The following RPS29 variants were observed in gnomAD, a reference collection of about 807,000 sequenced individuals.
RPS29 encodes small ribosomal subunit protein uS14.
For missense variants in RPS29, 60 were observed against 75.7 expected (o/e 0.79, Z 0.77); for synonymous variants, 37 against 26.9 (o/e 1.37, Z -1.16).
chr14:49,573,168 T>C (rs890899875), exon 3 of RPS29: 7 of 148,342 alleles, frequency 4.7e-5, no homozygotes, highest in African/African-American at 1.5e-4. Flanking sequence ...CAAAAGAAAA[T>C]ACAAAAAATA....
intron 1 of RPS29, among the ~76,000 whole-genome samples, chr14:49,595,018 T>G (rs149496384): frequency 2.0e-5 from 3 of 152,344 alleles, no homozygotes; most frequent in African/African-American, 7.2e-5. Context: ...GGACGTACTT[T>G]TGGCTTGCCA....
chr14:49,594,918 T>C (rs1259968858), intron 1 of RPS29, among the ~76,000 whole-genome samples: 1 of 152,216 alleles, frequency 6.6e-6, no homozygotes, highest in Non-Finnish European at 1.5e-5. Context: ...ACTCTGTTCA[T>C]TGAACAGAAC....
At chr14:49,586,494 GA>G (rs532646301), upstream of RPS29, 56 of 708,716 alleles carry the variant, frequency 7.9e-5, no homozygotes, top group Non-Finnish European at 1.3e-4. Flanking sequence ...TGAGTAAAAT[GA>G]AATCTTAGAG....
intron 2 of RPS29, among the ~76,000 whole-genome samples, chr14:49,584,071 T>G (rs1881429293): frequency 6.6e-6 from 1 of 152,188 alleles, no homozygotes; most frequent in Admixed American, 6.5e-5. Flanking sequence ...AACCTCAGCC[T>G]CCTGGGTTCA....
At chr14:49,590,191 C>T (rs1202867213), upstream of RPS29, among the ~76,000 whole-genome samples, 8 of 152,016 alleles carry the variant, frequency 5.3e-5, 1 homozygote, top group African/African-American at 1.9e-4. Flanking sequence ...TTTTTAAAAA[C>T]ACCTGGCCAG....
intron 1 of RPS29, among the ~76,000 whole-genome samples, chr14:49,591,433 T>C (rs1345613601): frequency 1.3e-5 from 2 of 151,980 alleles, no homozygotes; most frequent in Non-Finnish European, 2.9e-5. Flanking sequence ...TGCCTCAGCC[T>C]CCCAAGTAGC....
At position 49,577,824 on chromosome 14, in the gene RPS29, G is replaced by T. The variant is rs906326705; in HGVS notation, c.192C>A (p.Cys64Ter). The change falls in exon 3 of 3, where the codon TGC becomes TGA. Residue 64 changes from cysteine to a stop codon, truncating the protein, a stop_gained. Transcript: ENST00000396020. LOFTEE classifies it high-confidence loss of function. ...GAGGAGATGGGTGTCACCTCCATAG[G>T]CAGTGCCAAGGAAGACAGCTCAGGT... The T allele has an allele frequency of 6.2e-7, 1 of 1,602,420 alleles. No individual in the cohort carries two copies. Among genetic ancestry groups the T allele is most frequent in the Non-Finnish European group, 8.5e-7 (1 of 1,173,948 alleles).
chr14:49,592,180 T>A (rs1486997652), intron 1 of RPS29: 1 of 152,080 alleles, frequency 6.6e-6, no homozygotes, highest in Non-Finnish European at 1.5e-5. Context: ...ACTTATTTTT[T>A]AAATTTGTTT....
exon 3 of RPS29, chr14:49,575,856 TTAAAA>T (rs1391071011): frequency 6.6e-6 from 1 of 152,118 alleles, no homozygotes; most frequent in African/African-American, 2.4e-5. Context: ...TCCAAAAAAA[TTAAAA>T]TAAATTCTAA....
chr14:49,595,997 A>AGCGG (rs1352878336), intron 1 of RPS29, among the ~76,000 whole-genome samples: 1 of 123,956 alleles, frequency 8.1e-6, no homozygotes. Context: ...TGGGCAACAG[A>AGCGG]GCGGAAGGAA....
chr14:49,579,759 A>G (rs199768725), downstream of RPS29, among the ~76,000 whole-genome samples: 4 of 152,336 alleles, frequency 2.6e-5, no homozygotes, highest in East Asian at 7.7e-4. Context: ...CCTGCCCTCA[A>G]GTAACTAAGT....
At chr14:49,583,457 G>C, downstream of RPS29, 4 of 440,236 alleles carry the variant, frequency 9.1e-6, no homozygotes, top group Non-Finnish European at 1.6e-5. Flanking sequence ...AGTGAGCCGA[G>C]ATCGCGCCAC....
At chr14:49,575,950 T>C (rs1881167597) in exon 3 of RPS29, 1 of 152,216 alleles carries the variant, frequency 6.6e-6, no homozygotes, top group African/African-American at 2.4e-5. Flanking sequence ...TCTGCCTCTA[T>C]TCTTTTAAAA....
chr14:49,579,599 C>T (rs1346440648), downstream of RPS29, among the ~76,000 whole-genome samples: 2 of 152,168 alleles, frequency 1.3e-5, no homozygotes, highest in African/African-American at 4.8e-5. Context: ...TGGGCCTCTC[C>T]TATAGCACCT....
At chr14:49,589,732 T>C (rs1221766857), upstream of RPS29, among the ~76,000 whole-genome samples, 1 of 152,262 alleles carries the variant, frequency 6.6e-6, no homozygotes, top group East Asian at 1.9e-4. Flanking sequence ...CAAATGCATA[T>C]GTATGTTCAT....
exon 3 of RPS29, chr14:49,577,491 A>C (rs1881215596): frequency 2.0e-6 from 1 of 490,438 alleles, no homozygotes; most frequent in Non-Finnish European, 3.8e-6. Flanking sequence ...TCTTGGAAGA[A>C]ACATCATGAG....
exon 1 of RPS29, chr14:49,598,599 C>G (rs1325280228): frequency 1.4e-6 from 1 of 701,696 alleles, no homozygotes; most frequent in Non-Finnish European, 2.6e-6. Context: ...AACGCAGAGG[C>G]ACACCTGCCT....
chr14:49,597,006 C>G (rs1012497074), intron 1 of RPS29, among the ~76,000 whole-genome samples: 4 of 151,368 alleles, frequency 2.6e-5, no homozygotes, highest in African/African-American at 9.7e-5. Flanking sequence ...CCTCCGTCTC[C>G]CAGGTTCAAG....
At chr14:49,577,732 C>T (rs1881224051) in exon 3 of RPS29, 1 of 1,079,198 alleles carries the variant, frequency 9.3e-7, no homozygotes, top group South Asian at 1.3e-5. Context: ...CTGACTGGTT[C>T]CCAGTGAACT....
Sources: allele counts gnomAD v4.1 joint callset (sites outside exome capture counted in the v4.1 genomes callset), GRCh38; gene constraint gnomAD v4.1.1; transcripts MANE v1.5; gene names NCBI Gene and HGNC (gene_info 2026-07-23, HGNC 2026-07-21).